The following ZNF627 variants were observed in gnomAD, a reference collection of about 807,000 sequenced individuals.
ZNF627 encodes zinc finger protein 627.
Under a neutral mutation model 10.6 loss-of-function variants are expected in ZNF627, and 12 were observed. That is an observed-to-expected ratio of 1.13 (90% CI 0.73 to 1.84). The LOEUF (loss-of-function observed/expected upper bound fraction) is 1.84. Ranked by LOEUF, ZNF627 falls within the 40% of genes most tolerant of loss-of-function variation. The probability of loss-of-function intolerance (pLI) is 0.00; values close to 1 mark genes in which losing one functional copy is unlikely to be tolerated. For synonymous variants in ZNF627, 176 were observed against 187.1 expected, an observed-to-expected ratio of 0.94 and a Z score of 0.48; for missense variants, 504 against 568.4, an observed-to-expected ratio of 0.89 and a Z score of 1.15.
intron 1 of ZNF627, chr19:11,604,185 A>C (rs1440266853): frequency 6.6e-6 from 1 of 152,072 alleles, no homozygotes; most frequent in African/African-American, 2.4e-5. Flanking sequence ...ACTTCATCAA[A>C]ATTGGTAATT....
rs373264467 is a variant in ZNF627, at chr19:11,612,714, C to T, written c.4-1813C>T. ...GAGATTACAGGCATGAACCACCTTG[C>T]CGGGCCTCAACTGCATTTTTTCACA... On this transcript the variant is annotated intron_variant, in intron 1 of 3. Coordinates refer to ENST00000361113, the MANE Select transcript of ZNF627 (RefSeq NM_145295.4). 1.3e-3 allele frequency among the ~76,000 whole-genome samples: 205 copies of T among 152,128 alleles called. 2 individuals are homozygous for T. Among genetic ancestry groups the T allele is most frequent in the African/African-American group, 4.8e-3 (198 of 41,508 alleles).
Position 11,614,820 on chromosome 19 carries a change from A to G in ZNF627, c.131-7A>G. On this transcript the variant is annotated splice_polypyrimidine_tract_variant and splice_region_variant and intron_variant, in intron 2 of 3. Transcript: ENST00000361113. Reference sequence around the variant, plus strand: ...TTCATAATGACTTTTCTGGGTCTAAATTTTAGGAAAACAATGGGAAGACCA... The same window carrying G: ...TTCATAATGACTTTTCTGGGTCTAAGTTTTAGGAAAACAATGGGAAGACCA... 27 of 1,601,530 alleles carry G rather than the reference A, an allele frequency of 1.7e-5. No individual in the cohort carries two copies. The highest frequency in any genetic ancestry group is 2.3e-5 in the Non-Finnish European group (27 of 1,176,336).
At chr19:11,599,965 C>T (rs1252936668) in intron 1 of ZNF627, among the ~76,000 whole-genome samples, 1 of 152,108 alleles carries the variant, frequency 6.6e-6, no homozygotes, top group African/African-American at 2.4e-5. Flanking sequence ...AGCGCAGCCC[C>T]TTCCTGGGTT....
chr19:11,603,475 C>T (rs925017659), intron 1 of ZNF627, among the ~76,000 whole-genome samples: 3 of 150,282 alleles, frequency 2.0e-5, no homozygotes, highest in South Asian at 2.1e-4. Context: ...TTTGTGGAGG[C>T]GGGGTTTTGC....
chr19:11,606,363 A>G (rs992646818), intron 1 of ZNF627, among the ~76,000 whole-genome samples: 2 of 151,752 alleles, frequency 1.3e-5, no homozygotes, highest in South Asian at 2.1e-4. Context: ...GAAAAAAAGA[A>G]TCTCCTTTGA....
chr19:11,598,930 C>T (rs115314270), intron 1 of ZNF627, among the ~76,000 whole-genome samples: 2 of 152,036 alleles, frequency 1.3e-5, no homozygotes, highest in African/African-American at 4.8e-5. Context: ...GTCTGTAATC[C>T]CAACACTTTG....
chr19:11,609,555 C>T lies in ZNF627; in HGVS notation c.4-4972C>T, dbSNP rs117681115. The stretch of plus-strand genomic sequence containing the variant: ...CCCCCGAGACTGAGTCTTGCCCTGT[C>T]GCCCAGAGCTGGAGTGCAATGGCAT... On this transcript the variant is annotated intron_variant, in intron 1 of 3. Transcript: ENST00000361113. Among the ~76,000 whole-genome samples, 1,659 of 143,374 alleles carry T rather than the reference C, an allele frequency of 0.012. 86 individuals are homozygous for T. The East Asian group carries it at 0.13, about 11-fold the overall frequency. 94.1% of individuals were successfully genotyped at this position (143,374 alleles called of 152,430 possible). A position where few individuals can be genotyped will look rare whatever the true frequency, so the allele number is the denominator to read the frequency against.
chr19:11,608,085 G>A (rs969416501), intron 1 of ZNF627, among the ~76,000 whole-genome samples: 1 of 152,168 alleles, frequency 6.6e-6, no homozygotes, highest in East Asian at 1.9e-4. Flanking sequence ...GAAGGAAAAA[G>A]CAAACATGTC....
chr19:11,597,809 C>T (rs888689514), intron 1 of ZNF627, among the ~76,000 whole-genome samples, 179 bp downstream of exon 1: 3 of 152,194 alleles, frequency 2.0e-5, no homozygotes, highest in African/African-American at 4.8e-5. Flanking sequence ...CCTGTCCCGT[C>T]CCTGCGCGAC....
rs1973927064 is a variant in ZNF627, at chr19:11,619,050, G to A, written c.*1161G>A. On this transcript the variant is annotated 3_prime_UTR_variant, in exon 4 of 4. Transcript: ENST00000361113. ...CAAAAGTTAAGTCATGCTGTTTTGT[G>A]TGCTCTCTTGCTAAAGACCGCAGAG... The A allele has an allele frequency of 6.6e-6, 1 of 152,006 alleles. No individual in the cohort carries two copies. Among genetic ancestry groups the A allele is most frequent in the African/African-American group, 2.4e-5 (1 of 41,338 alleles). The allele number at this position is 152,006 out of a possible 1,614,324, so 9.4% of individuals were successfully genotyped here.
At position 11,614,536 on chromosome 19, in the gene ZNF627, G is replaced by A. The variant is rs897955607; in HGVS notation, c.13G>A (p.Ala5Thr). The change falls in exon 2 of 4, where the codon GCC becomes ACC. Residue 5 changes from alanine (A) to threonine (T), a missense_variant. Physicochemically the swap from Ala to Thr is moderately conservative, Grantham distance 58 (BLOSUM62 0). Coordinates refer to ENST00000361113, the MANE Select transcript of ZNF627 (RefSeq NM_145295.4). MDSV[A>T]FEDVAVNFTL... Reference sequence around the variant, plus strand: ...ATGGGGGATGTTTCAGGATTCAGTGGCCTTTGAGGATGTGGCTGTGAACTT... The same window carrying A: ...ATGGGGGATGTTTCAGGATTCAGTGACCTTTGAGGATGTGGCTGTGAACTT... 5.0e-6 allele frequency: 8 copies of A among 1,613,740 alleles called. No individual in the cohort carries two copies. The Admixed American group carries it at 8.3e-5, about 17-fold the overall frequency.
chr19:11,614,211 C>T (rs980895074), intron 1 of ZNF627, among the ~76,000 whole-genome samples: 4 of 152,150 alleles, frequency 2.6e-5, no homozygotes, highest in South Asian at 2.1e-4. Flanking sequence ...TGAGCCACCG[C>T]GCCCAGCCAC....
chr19:11,613,964 C>T (rs115627952), intron 1 of ZNF627, among the ~76,000 whole-genome samples: 5,287 of 143,014 alleles, frequency 0.037, 329 homozygotes, highest in African/African-American at 0.13. Context: ...CCCTGTCACC[C>T]GGTCTGGAGT....
At chr19:11,605,988 C>CT (rs1197431956) in intron 1 of ZNF627, among the ~76,000 whole-genome samples, 1 of 152,116 alleles carries the variant, frequency 6.6e-6, no homozygotes, top group African/African-American at 2.4e-5. Context: ...AACAAAGGGG[C>CT]TAGAGGCCCT....
intron 3 of ZNF627, among the ~76,000 whole-genome samples, chr19:11,616,463 C>A (rs1481484095): frequency 6.6e-6 from 1 of 152,032 alleles, no homozygotes; most frequent in African/African-American, 2.4e-5. Flanking sequence ...TAATGTTAAA[C>A]ATGTGAATCC....
At chr19:11,615,370 G>A (rs2145139551) in intron 3 of ZNF627, among the ~76,000 whole-genome samples, 1 of 150,956 alleles carries the variant, frequency 6.6e-6, no homozygotes, top group Middle Eastern at 3.4e-3. Context: ...GGAGGCTGAG[G>A]TGGGCAGATC....
At chr19:11,611,662 C>G (rs1198409558) in intron 1 of ZNF627, among the ~76,000 whole-genome samples, 1 of 152,114 alleles carries the variant, frequency 6.6e-6, no homozygotes, top group Non-Finnish European at 1.5e-5. Flanking sequence ...CCATCCCATT[C>G]TATAAAATAG....
At chr19:11,602,125 C>G (rs1028534747) in intron 1 of ZNF627, among the ~76,000 whole-genome samples, 1 of 150,834 alleles carries the variant, frequency 6.6e-6, no homozygotes, top group Middle Eastern at 3.5e-3. Flanking sequence ...AGGCAGGATG[C>G]AGGGTGCAAA....
chr19:11,617,176 T>G lies in ZNF627; in HGVS notation c.673T>G (p.Cys225Gly), dbSNP rs1334842609. The G allele has an allele frequency of 6.2e-7, 1 of 1,613,900 alleles. No individual in the cohort carries two copies. Among genetic ancestry groups the G allele is most frequent in the Admixed American group, 1.7e-5 (1 of 59,992 alleles). ...TCACACTGGAGAGAAACCTTATGAA[T>G]GCAAGCAATGTGGGAAAGCCTTCAG... The part of the protein sequence containing the change: ...RSHTGEKPYE[C>G]KQCGKAFSCS... The change falls in exon 4 of 4, where the codon TGC becomes GGC. Residue 225 changes from cysteine to glycine, a missense_variant. Coordinates refer to ENST00000361113, the MANE Select transcript of ZNF627 (RefSeq NM_145295.4).
Sources: gnomAD v4.1 joint callset for allele counts (sites outside exome capture counted in the v4.1 genomes callset) on GRCh38, gnomAD v4.1.1 for gene constraint, MANE v1.5 for transcripts, NCBI Gene and HGNC (gene_info 2026-07-23, HGNC 2026-07-21) for gene names.